The following CSMD3 variants were observed in gnomAD, a reference collection of about 807,000 sequenced individuals.
CSMD3 encodes CUB and sushi domain-containing protein 3.
In CSMD3, 177 loss-of-function variants were observed where a neutral mutation model predicts 435.2. That is an observed-to-expected ratio of 0.41 (90% confidence interval 0.36 to 0.46). CSMD3 has a LOEUF of 0.46. Ranked by LOEUF, CSMD3 falls within the 20% of genes least tolerant of loss-of-function variation. The pLI is 0.34. For synonymous variants in CSMD3, 1,656 were observed against 1,520.5 expected, an observed-to-expected ratio of 1.09 and a Z score of -2.07; for missense variants, 4,265 against 4,504.6, an observed-to-expected ratio of 0.95 and a Z score of 1.52.
intron 5 of CSMD3, among the ~76,000 whole-genome samples, chr8:113,096,137 T>A (rs751988134): frequency 1.3e-5 from 2 of 152,294 alleles, no homozygotes; most frequent in Middle Eastern, 3.4e-3. Flanking sequence ...CACCTTTGAC[T>A]TGAAACTAAG....
At chr8:112,437,310 T>C (rs116860002) in intron 32 of CSMD3, among the ~76,000 whole-genome samples, 50 of 152,266 alleles carry the variant, frequency 3.3e-4, no homozygotes, top group East Asian at 2.5e-3. Context: ...ACACATTTTG[T>C]TACATTTCAT....
Position 112,237,544 on chromosome 8 carries a change from T to A in CSMD3, c.10469-196A>T, listed in dbSNP as rs183442877. 4.4e-3 allele frequency among the ~76,000 whole-genome samples: 666 copies of A among 152,276 alleles called. 5 individuals are homozygous for A. The highest frequency in any genetic ancestry group is 0.015 in the African/African-American group (630 of 41,574). On this transcript the variant is annotated intron_variant, in intron 66 of 70. Transcript: ENST00000297405. ...AATCCACATTGTAATAATCTAGATT[T>A]GTTCATATGTTATCGAGAAGAGAGA...
intron 27 of CSMD3, among the ~76,000 whole-genome samples, chr8:112,544,143 T>C (rs1826940534): frequency 6.6e-6 from 1 of 152,176 alleles, no homozygotes; most frequent in African/African-American, 2.4e-5. Flanking sequence ...TTTAGGGACC[T>C]GCTATATAGT....
At position 112,408,308 on chromosome 8, in the gene CSMD3, G is replaced by C. The variant is rs1586224757; in HGVS notation, c.5605+10C>G. 6.6e-7 allele frequency: 1 copy of C among 1,519,818 alleles called. No individual in the cohort carries two copies. Among genetic ancestry groups the C allele is most frequent in the Non-Finnish European group, 9.1e-7 (1 of 1,094,608 alleles). 94.1% of individuals were successfully genotyped at this position (1,519,818 alleles called of 1,614,324 possible). ...TCCTTAGTGTGTTTCTAGACTACAG[G>C]GTCACTTACCTTGGTAAACAAAGTG... On this transcript the variant is annotated intron_variant, in intron 34 of 70. Coordinates refer to ENST00000297405, the MANE Select transcript of CSMD3 (RefSeq NM_198123.2).
intron 3 of CSMD3, among the ~76,000 whole-genome samples, chr8:113,188,841 T>A (rs1271540997): frequency 6.6e-6 from 1 of 151,924 alleles, no homozygotes; most frequent in Non-Finnish European, 1.5e-5. Context: ...CCATCATCAT[T>A]ACTGAGATTT....
intron 13 of CSMD3, among the ~76,000 whole-genome samples, chr8:112,761,237 T>G (rs1208675139): frequency 6.6e-6 from 1 of 152,120 alleles, no homozygotes; most frequent in Admixed American, 6.6e-5. Context: ...CAGTAATATC[T>G]CTATCATTTA....
intron 5 of CSMD3, among the ~76,000 whole-genome samples, chr8:113,038,344 C>G (rs1214276844): frequency 6.6e-6 from 1 of 151,996 alleles, no homozygotes; most frequent in Non-Finnish European, 1.5e-5. Flanking sequence ...TTTTCTTAAG[C>G]TAAGAAACCA....
chr8:113,250,436 A>G (rs1318156191), intron 3 of CSMD3, among the ~76,000 whole-genome samples: 1 of 152,086 alleles, frequency 6.6e-6, no homozygotes, highest in Non-Finnish European at 1.5e-5. Context: ...CACTAAGCAG[A>G]CCTTGTGGGC....
At chr8:112,780,248 A>G (rs2078349513) in intron 13 of CSMD3, among the ~76,000 whole-genome samples, 3 of 152,114 alleles carry the variant, frequency 2.0e-5, no homozygotes. Flanking sequence ...ATTCTCAGAT[A>G]CAATAGTGTA....
intron 9 of CSMD3, among the ~76,000 whole-genome samples, chr8:112,937,298 T>A (rs113080006): frequency 0.034 from 5,117 of 151,778 alleles, 148 homozygotes; most frequent in Middle Eastern, 0.051. Flanking sequence ...GTCACAAGAA[T>A]CAAAAGAACA....
chr8:112,475,704 G>A (rs372762130), intron 31 of CSMD3, among the ~76,000 whole-genome samples: 44 of 152,098 alleles, frequency 2.9e-4, no homozygotes, highest in African/African-American at 9.9e-4. Flanking sequence ...GGAATAATAA[G>A]TCAGGCCAAC....
At chr8:112,331,412 C>T (rs192136446) in intron 45 of CSMD3, among the ~76,000 whole-genome samples, 5 of 151,966 alleles carry the variant, frequency 3.3e-5, no homozygotes, top group African/African-American at 2.4e-5. Context: ...TACGCTTGTC[C>T]TATTTTTTCA....
intron 70 of CSMD3, among the ~76,000 whole-genome samples, chr8:112,228,309 T>C (rs7834691): frequency 0.24 from 36,948 of 152,060 alleles, 4,647 homozygotes; most frequent in East Asian, 0.38. Flanking sequence ...GATTTTGCCA[T>C]CTGTCTGCCT....
At chr8:113,336,242 C>T (rs61046958) in intron 1 of CSMD3, among the ~76,000 whole-genome samples, 45,909 of 151,420 alleles carry the variant, frequency 0.3, 8,041 homozygotes, top group East Asian at 0.7. Flanking sequence ...TTATACTTTT[C>T]GTAGATTTTG....
intron 6 of CSMD3, among the ~76,000 whole-genome samples, chr8:113,000,899 G>GA (rs1375060346): frequency 6.6e-6 from 1 of 151,762 alleles, no homozygotes; most frequent in African/African-American, 2.4e-5. Flanking sequence ...ATATACTCTT[G>GA]AACTTAAACA....
chr8:112,797,484 C>T (rs2078856644), intron 13 of CSMD3, among the ~76,000 whole-genome samples: 1 of 151,802 alleles, frequency 6.6e-6, no homozygotes, highest in Non-Finnish European at 1.5e-5. Context: ...GACTAAATTA[C>T]ACATTTTAGT....
rs779875341 is a variant in CSMD3 at position 113,149,358 on chromosome 8, A to AT, written c.709+24363dup. ...TTCAGATTCATTGTCTTCCCTCATT[A>AT]TTTTTTTACTTACTAATACAGATAT... is the stretch of plus-strand genomic sequence containing the variant. On this transcript the variant is annotated intron_variant, in intron 4 of 70. Transcript: ENST00000297405. Among the ~76,000 whole-genome samples the AT allele has an allele frequency of 7.3e-5, 11 of 151,598 alleles. No homozygotes were observed. The East Asian group carries it at 1.8e-3, about 24-fold the overall frequency.
chr8:113,096,068 G>A (rs1260554557), intron 5 of CSMD3, among the ~76,000 whole-genome samples: 1 of 151,932 alleles, frequency 6.6e-6, no homozygotes, highest in African/African-American at 2.4e-5. Flanking sequence ...CACTTCAACT[G>A]GTAGAAACAG....
intron 35 of CSMD3, among the ~76,000 whole-genome samples, chr8:112,393,955 GT>G (rs1166215598): frequency 6.6e-6 from 1 of 150,684 alleles, no homozygotes; most frequent in Non-Finnish European, 1.5e-5. Context: ...TCTAATCACT[GT>G]CCCCCCTTCC....
Sources: allele counts gnomAD v4.1 joint callset (sites outside exome capture counted in the v4.1 genomes callset), GRCh38; gene constraint gnomAD v4.1.1; transcripts MANE v1.5; gene names NCBI Gene and HGNC (gene_info 2026-07-23, HGNC 2026-07-21).